The following SPRYD7 variants were observed in gnomAD, a reference collection of about 807,000 sequenced individuals.
The protein encoded by SPRYD7 is SPRY domain containing 7.
In SPRYD7, 14 loss-of-function variants were observed where a neutral mutation model predicts 23.8. That is an observed-to-expected ratio of 0.59 (90% CI 0.39 to 0.92). SPRYD7 has a LOEUF of 0.92. Among genes scored for constraint, SPRYD7 ranks in the 40% least tolerant of loss-of-function variants. The pLI, the probability that SPRYD7 is intolerant of heterozygous loss-of-function variation, is 0.00. For synonymous variants in SPRYD7, 75 were observed against 84.9 expected (o/e 0.88, Z 0.64); for missense variants, 194 against 241.7 (o/e 0.80, Z 1.31).
chr13:49,928,139 G>C, intron 2 of SPRYD7, 54 bp from the exon 3 acceptor site: 2 of 1,510,152 alleles, frequency 1.3e-6, no homozygotes, highest in Non-Finnish European at 1.8e-6. Context: ...CAACCATCGA[G>C]TTATTTTAAA....
intron 4 of SPRYD7, among the ~76,000 whole-genome samples, chr13:49,920,625 C>A (rs1386151936): frequency 2.0e-5 from 3 of 152,088 alleles, no homozygotes; most frequent in Non-Finnish European, 4.4e-5. Context: ...CTTAATCCTG[C>A]AAAGTGGGAT....
intron 3 of SPRYD7, among the ~76,000 whole-genome samples, chr13:49,923,212 C>T (rs1955839333): frequency 6.6e-6 from 1 of 151,990 alleles, no homozygotes; most frequent in South Asian, 2.1e-4. Context: ...GCACTTTCAT[C>T]CCCCAGTGGC....
rs111521328 is a variant in SPRYD7, at chr13:49,927,402, C to T, written c.390+517G>A. 1.3e-3 allele frequency among the ~76,000 whole-genome samples: 189 copies of T among 150,982 alleles called. 2 individuals carry two copies. The highest frequency in any genetic ancestry group is 4.4e-3 in the African/African-American group (183 of 41,176). ...TCCTAGCTACTCGGGAGGCTGAGGC[C>T]GGAGAATAGCTTGAACCTGGGAGGC... On this transcript the variant is annotated intron_variant, in intron 3 of 4. Transcript: ENST00000361840.
At chr13:49,917,155 G>T (rs950618059) in intron 4 of SPRYD7, among the ~76,000 whole-genome samples, 8 of 152,130 alleles carry the variant, frequency 5.3e-5, no homozygotes, top group African/African-American at 1.9e-4. Context: ...CCAGGCTGGA[G>T]TGCAGTGGCA....
intron 4 of SPRYD7, among the ~76,000 whole-genome samples, 195 bp from the exon 5 acceptor site, chr13:49,915,355 ATC>A (rs901823251): frequency 6.6e-6 from 1 of 152,156 alleles, no homozygotes; most frequent in Non-Finnish European, 1.5e-5. Context: ...ATCAAAATCT[ATC>A]TGTCAAAAAC....
Position 49,921,481 on chromosome 13 carries a change from AAAC to A in SPRYD7, c.487_489del (p.Val163del), listed in dbSNP as rs1447745656. On this transcript the variant is annotated inframe_deletion, in exon 4 of 5. Coordinates refer to ENST00000361840, the MANE Select transcript of SPRYD7 (RefSeq NM_020456.4). ...CATTAGAAATATTTTTGCTTACCAT[AAAC>A]AACTGGATACACTGTCCCTCGTATA... 1 of 1,604,246 alleles carries A rather than the reference AAAC, an allele frequency of 6.2e-7. No individual in the cohort carries two copies. The highest frequency in any genetic ancestry group is 8.5e-7 in the Non-Finnish European group (1 of 1,171,404).
rs1368236108 is a variant in SPRYD7, at chr13:49,914,830, A to G, written c.*233T>C. On this transcript the variant is annotated 3_prime_UTR_variant, in exon 5 of 5. Coordinates refer to ENST00000361840, the MANE Select transcript of SPRYD7 (RefSeq NM_020456.4). ...TACTGTTAATTAAACCCATAATTCT[A>G]TTTATTTAAATAAGAATTAAATAAA... is the stretch of plus-strand genomic sequence containing the variant. The G allele has an allele frequency of 4.5e-6, 1 of 223,084 alleles. No individual in the cohort carries two copies. Among genetic ancestry groups the G allele is most frequent in the Non-Finnish European group, 9.1e-6 (1 of 109,530 alleles). The allele number at this position is 223,084 out of a possible 1,614,324, so 13.8% of individuals were successfully genotyped here.
intron 1 of SPRYD7, among the ~76,000 whole-genome samples, chr13:49,932,095 C>G (rs554222909): frequency 6.6e-6 from 1 of 152,238 alleles, no homozygotes; most frequent in East Asian, 1.9e-4. Context: ...AAAACATAAA[C>G]ACAAGAGACT....
chr13:49,919,620 T>TG (rs1223835162), intron 4 of SPRYD7, among the ~76,000 whole-genome samples: 2 of 146,368 alleles, frequency 1.4e-5, no homozygotes, highest in East Asian at 4.0e-4. Flanking sequence ...CCAGCTACTC[T>TG]GGAGGCTGAG....
intron 4 of SPRYD7, among the ~76,000 whole-genome samples, chr13:49,917,694 T>C (rs1322598689): frequency 1.3e-5 from 2 of 152,216 alleles, no homozygotes; most frequent in African/African-American, 4.8e-5. Context: ...TTTAGAGCAT[T>C]AAACTTATTT....
chr13:49,931,677 A>T (rs1359667239), intron 1 of SPRYD7, among the ~76,000 whole-genome samples: 1 of 151,608 alleles, frequency 6.6e-6, no homozygotes, highest in Non-Finnish European at 1.5e-5. Flanking sequence ...TGCTGGGTAC[A>T]GTGGTTCGTA....
Position 49,931,098 on chromosome 13 carries a change from ATTC to A in SPRYD7, c.140_142del (p.Arg47del), listed in dbSNP as rs1224151015. 12 of 1,613,176 alleles carry A rather than the reference ATTC, an allele frequency of 7.4e-6. No individual in the cohort carries two copies. The highest frequency in any genetic ancestry group is 1.7e-5 in the Admixed American group (1 of 59,936). On this transcript the variant is annotated inframe_deletion, in exon 2 of 5. Transcript: ENST00000361840. ...GGCTAAACAACCTCCTGTTCCACATATTCTTCTTCCATTCTTTACAATAACAAC... is the reference window on the plus strand; with the variant it reads ...GGCTAAACAACCTCCTGTTCCACATATTCTTCCATTCTTTACAATAACAAC...
At chr13:49,926,864 A>C (rs535480890) in intron 3 of SPRYD7, among the ~76,000 whole-genome samples, 1 of 152,322 alleles carries the variant, frequency 6.6e-6, no homozygotes, top group South Asian at 2.1e-4. Flanking sequence ...ACTCTGTTCT[A>C]AATCAATGGC....
At position 49,921,346 on chromosome 13, in the gene SPRYD7, T is replaced by G. The variant is rs1955817599; in HGVS notation, c.493+132A>C. Reference sequence around the variant, plus strand: ...CTCCCCAGCTCTGTGGAACTGTGAGTCAATTAAACCTCTTTCCTTTATAAA... The same window carrying G: ...CTCCCCAGCTCTGTGGAACTGTGAGGCAATTAAACCTCTTTCCTTTATAAA... On this transcript the variant is annotated intron_variant, in intron 4 of 4. Coordinates refer to ENST00000361840, the MANE Select transcript of SPRYD7 (RefSeq NM_020456.4). 8.5e-6 allele frequency: 5 copies of G among 585,378 alleles called. No individual in the cohort carries two copies. In the East Asian group the frequency reaches 1.5e-4, roughly 17 times the overall value. The allele number at this position is 585,378 out of a possible 1,614,324, so 36.3% of individuals were successfully genotyped here.
At chr13:49,924,195 C>T (rs975079257) in intron 3 of SPRYD7, among the ~76,000 whole-genome samples, 2 of 152,022 alleles carry the variant, frequency 1.3e-5, no homozygotes, top group African/African-American at 4.8e-5. Flanking sequence ...CCATGTTGGT[C>T]AGGCTGGTCT....
At position 49,927,977 on chromosome 13, in the gene SPRYD7, T is replaced by C. The variant is rs370845592; in HGVS notation, c.332A>G (p.Asn111Ser). 14 of 1,614,092 alleles carry C rather than the reference T, an allele frequency of 8.7e-6. No homozygotes were observed. The African/African-American group carries it at 1.7e-4, about 20-fold the overall frequency. The change falls in exon 3 of 5, where the codon AAC becomes AGC. Residue 111 changes from asparagine to serine, a missense_variant. By Grantham distance (46) the Asn-to-Ser change is conservative (BLOSUM62 1). Coordinates refer to ENST00000361840, the MANE Select transcript of SPRYD7 (RefSeq NM_020456.4). ...VMRNDGALYHNNEEKNRLPAN... is the reference protein window; with the variant it reads ...VMRNDGALYHSNEEKNRLPAN... ...TGGCAGCCTATTTTTCTCTTCATTG[T>C]TGTGGTAAAGGGCTCCATCATTTCT...
At chr13:49,918,896 AG>A (rs1955783784) in intron 4 of SPRYD7, among the ~76,000 whole-genome samples, 2 of 149,410 alleles carry the variant, frequency 1.3e-5, no homozygotes, top group Non-Finnish European at 3.0e-5. Context: ...TTGTATTTTT[AG>A]TAGAGATGGG....
intron 3 of SPRYD7, among the ~76,000 whole-genome samples, chr13:49,924,028 G>C (rs1801422855): frequency 6.6e-6 from 1 of 151,144 alleles, no homozygotes; most frequent in African/African-American, 2.4e-5. Context: ...TGTCGCCTAG[G>C]CTGGAGTGCA....
chr13:49,923,223 C>T (rs748319748), intron 3 of SPRYD7, among the ~76,000 whole-genome samples: 7 of 151,580 alleles, frequency 4.6e-5, no homozygotes, highest in Non-Finnish European at 1.0e-4. Context: ...CCCCAGTGGC[C>T]GATTGCAAAC....
Sources: gnomAD v4.1 joint callset for allele counts (sites outside exome capture counted in the v4.1 genomes callset) on GRCh38, gnomAD v4.1.1 for gene constraint, MANE v1.5 for transcripts, NCBI Gene and HGNC (gene_info 2026-07-23, HGNC 2026-07-21) for gene names.